Variants in SACM1L observed in about 807,000 individuals in gnomAD.
SACM1L encodes the protein phosphatidylinositol-3-phosphatase SAC1.
Under a neutral mutation model 89.5 loss-of-function variants are expected in SACM1L, and 32 were observed. The ratio of observed to expected loss-of-function variants is 0.36; its 90% CI spans 0.27 to 0.48. The LOEUF (loss-of-function observed/expected upper bound fraction) is 0.48. Ranked by LOEUF, SACM1L falls within the 20% of genes least tolerant of loss-of-function variation. The pLI is 0.99. For missense variants in SACM1L, 543 were observed against 708.5 expected (o/e 0.77, Z 2.65); for synonymous variants, 213 against 232.8 (o/e 0.92, Z 0.77).
At chr3:45,689,580 C>A in intron 1 of SACM1L, 83 bp downstream of exon 1, 1 of 1,463,504 alleles carries the variant, frequency 6.8e-7, no homozygotes, top group Non-Finnish European at 9.3e-7. Flanking sequence ...GCTTCTGAGT[C>A]CCGGATTGCA....
At chr3:45,690,084 A>G in intron 1 of SACM1L, 1 of 152,438 alleles carries the variant, frequency 6.6e-6, no homozygotes, top group Non-Finnish European at 1.5e-5. Context: ...GCAGGTTCTT[A>G]AGTCAGTGTC....
At position 45,709,633 on chromosome 3, in the gene SACM1L, A is replaced by T; in HGVS notation, c.469A>T (p.Ser157Cys). ...CACTAGTCCTGAATTCCAAGAAATG[A>T]GTCTCTTGGAAAGGGTAAGCTTGAT... ...SNTSPEFQEM[S>C]LLERADQRFV... is the part of the protein sequence containing the mutation. The change falls in exon 5 of 20, where the codon AGT (serine) becomes TGT (cysteine). Residue 157 changes from serine to cysteine, a missense_variant. By Grantham distance (112) the Ser-to-Cys change is moderately radical. Around this residue, in one of 2 missense-constraint regions of SACM1L, gnomAD observed 370 missense variants for 527.6 expected, o/e 0.70. Coordinates refer to ENST00000389061, the MANE Select transcript of SACM1L (RefSeq NM_014016.5). 1.2e-6 allele frequency: 2 copies of T among 1,612,794 alleles called. No individual in the cohort carries two copies. The highest frequency in any genetic ancestry group is 1.7e-6 in the Non-Finnish European group (2 of 1,179,470).
intron 4 of SACM1L, among the ~76,000 whole-genome samples, chr3:45,707,947 A>G (rs1035306346): frequency 2.0e-5 from 3 of 152,190 alleles, no homozygotes; most frequent in Non-Finnish European, 4.4e-5. Context: ...GTTTTAAATT[A>G]TAGTGTGCTA....
chr3:45,742,770 A>G (rs1699343000), intron 19 of SACM1L: 1 of 152,266 alleles, frequency 6.6e-6, no homozygotes, highest in Non-Finnish European at 1.5e-5. Context: ...GTAGTGTGTT[A>G]TGCTGATCGG....
chr3:45,718,482 T>A (rs527993752), intron 7 of SACM1L, among the ~76,000 whole-genome samples: 1 of 152,306 alleles, frequency 6.6e-6, no homozygotes, highest in African/African-American at 2.4e-5. Context: ...GTGTAATTTT[T>A]AAAATTATGA....
intron 4 of SACM1L, among the ~76,000 whole-genome samples, chr3:45,707,828 G>A (rs930260645): frequency 2.6e-5 from 4 of 152,286 alleles, no homozygotes; most frequent in Non-Finnish European, 5.9e-5. Context: ...AGGGATAGAA[G>A]AAATATTCTG....
intron 13 of SACM1L, among the ~76,000 whole-genome samples, chr3:45,734,412 CAA>C (rs571706177): frequency 1.5e-5 from 2 of 129,384 alleles, no homozygotes. Flanking sequence ...GATTCCATCT[CAA>C]AAAAAAAAGA....
intron 1 of SACM1L, among the ~76,000 whole-genome samples, chr3:45,693,641 C>G (rs1698054765): frequency 6.6e-6 from 1 of 152,218 alleles, no homozygotes; most frequent in Non-Finnish European, 1.5e-5. Context: ...GTCCAGTGAT[C>G]TTTCCATTTC....
At chr3:45,698,074 C>A (rs1225047554) in intron 1 of SACM1L, among the ~76,000 whole-genome samples, 2 of 152,144 alleles carry the variant, frequency 1.3e-5, no homozygotes, top group South Asian at 4.1e-4. Context: ...TTGTTTTTGA[C>A]GGTTTAAATG....
intron 11 of SACM1L, among the ~76,000 whole-genome samples, chr3:45,728,182 G>T (rs1226815053): frequency 6.6e-6 from 1 of 151,782 alleles, no homozygotes; most frequent in African/African-American, 2.4e-5. Flanking sequence ...GTGTCTTTAG[G>T]TCTAACATGA....
intron 19 of SACM1L, among the ~76,000 whole-genome samples, chr3:45,741,565 C>T (rs1416036640): frequency 6.6e-6 from 1 of 152,222 alleles, no homozygotes; most frequent in African/African-American, 2.4e-5. Flanking sequence ...TCCACCACCA[C>T]CACTAATTCT....
rs11413682 is a variant in SACM1L at position 45,710,500 on chromosome 3, CTT to C, written c.483+870_483+871del. On this transcript the variant is annotated intron_variant, in intron 5 of 19. Transcript: ENST00000389061. ...GAGCCACTGTGCCTGCCCAGTCTGC[CTT>C]TTTTTTTTTTTTTTTTAATATACAG... is the stretch of plus-strand genomic sequence containing the variant. Among the ~76,000 whole-genome samples the C allele has an allele frequency of 6.2e-3, 825 of 134,076 alleles. 6 individuals are homozygous for C. The highest frequency in any genetic ancestry group is 0.018 in the African/African-American group (642 of 35,706). 88.0% of individuals were successfully genotyped at this position (134,076 alleles called of 152,430 possible). A position where few individuals can be genotyped will look rare whatever the true frequency, so the allele number is the denominator to read the frequency against.
chr3:45,716,377 C>CAAA (rs1402542300), intron 7 of SACM1L, among the ~76,000 whole-genome samples: 4 of 152,148 alleles, frequency 2.6e-5, no homozygotes, highest in Non-Finnish European at 4.4e-5. Flanking sequence ...GAGGCTGAGT[C>CAAA]AGGAGGATCA....
At chr3:45,720,406 T>C (rs1185921045) in intron 8 of SACM1L, among the ~76,000 whole-genome samples, 1 of 151,974 alleles carries the variant, frequency 6.6e-6, no homozygotes, top group Non-Finnish European at 1.5e-5. Flanking sequence ...ATAAAAAATA[T>C]TTCCCATTTC....
chr3:45,724,466 A>G (rs370896075), intron 11 of SACM1L, among the ~76,000 whole-genome samples: 1 of 152,134 alleles, frequency 6.6e-6, no homozygotes, highest in Non-Finnish European at 1.5e-5. Context: ...AGAAATGTCT[A>G]TGTAAATCCT....
intron 1 of SACM1L, among the ~76,000 whole-genome samples, chr3:45,695,030 C>G (rs1476283251): frequency 6.6e-6 from 1 of 152,050 alleles, no homozygotes; most frequent in Non-Finnish European, 1.5e-5. Context: ...CCTGGGGAGT[C>G]TGTGATGAAC....
intron 4 of SACM1L, 200 bp downstream of exon 4, chr3:45,707,107 T>G (rs2742442): frequency 2.4e-6 from 1 of 412,184 alleles, no homozygotes; most frequent in African/African-American, 2.1e-5. Flanking sequence ...TTTTTTTTTT[T>G]AAAGATTCAG....
At chr3:45,732,855 G>A (rs956874738) in intron 13 of SACM1L, among the ~76,000 whole-genome samples, 15 of 152,136 alleles carry the variant, frequency 9.9e-5, no homozygotes, top group Admixed American at 7.2e-4. Flanking sequence ...GTGTGTGATG[G>A]TTCTAAACCT....
chr3:45,736,385 G>T (rs1559552061), intron 14 of SACM1L, among the ~76,000 whole-genome samples: 1 of 152,136 alleles, frequency 6.6e-6, no homozygotes, highest in East Asian at 1.9e-4. Flanking sequence ...AAATCACATT[G>T]GCATTTGTTG....
Sources: allele counts gnomAD v4.1 joint callset (sites outside exome capture counted in the v4.1 genomes callset), GRCh38; gene constraint gnomAD v4.1.1; regional missense constraint gnomAD v4.1.1; transcripts MANE v1.5; gene names NCBI Gene and HGNC (gene_info 2026-07-23, HGNC 2026-07-21).